The following RBM47 variants were observed in gnomAD, a reference collection of about 807,000 sequenced individuals.
The protein encoded by RBM47 is RNA binding motif protein 47.
Under a neutral mutation model 47.1 loss-of-function variants are expected in RBM47, and 21 were observed. The ratio of observed to expected loss-of-function variants is 0.45; its 90% confidence interval spans 0.32 to 0.64. RBM47 has a LOEUF of 0.64. RBM47 is among the 30% of genes least tolerant of loss of function. The pLI is 0.05. For synonymous variants in RBM47, 375 were observed against 361.7 expected (o/e 1.04, Z -0.42); for missense variants, 708 against 870.9 (o/e 0.81, Z 2.35).
At chr4:40,543,140 C>G (rs1728704950) in intron 2 of RBM47, 2 of 152,182 alleles carry the variant, frequency 1.3e-5, no homozygotes, top group African/African-American at 4.8e-5. Flanking sequence ...AAGTCTGTCT[C>G]AATCAGGCAA....
chr4:40,440,324 A>G (rs968984149), intron 3 of RBM47, among the ~76,000 whole-genome samples: 1 of 152,182 alleles, frequency 6.6e-6, no homozygotes, highest in African/African-American at 2.4e-5. Flanking sequence ...GCTTCCGCCT[A>G]ATTTACATGG....
chr4:40,436,199 C>A lies in RBM47; in HGVS notation c.1330+242G>T, dbSNP rs1415261785. Among the ~76,000 whole-genome samples the A allele has an allele frequency of 3.8e-4, 27 of 70,970 alleles. 1 individual carries two copies. Among genetic ancestry groups the A allele is most frequent in the South Asian group, 7.5e-4 (1 of 1,332 alleles). The allele number at this position is 70,970 out of a possible 152,430, so 46.6% of individuals were successfully genotyped here. A position where few individuals can be genotyped will look rare whatever the true frequency, so the allele number is the denominator to read the frequency against. ...AAAAAAAAAAAAACAAACAAACAAA[C>A]AAACAAAAAAAAACCTTACTCAGGC... On this transcript the variant is annotated intron_variant, in intron 5 of 6. Coordinates refer to ENST00000295971, the MANE Select transcript of RBM47 (RefSeq NM_001098634.2).
chr4:40,575,282 G>A (rs535774568), intron 1 of RBM47, among the ~76,000 whole-genome samples: 1 of 152,148 alleles, frequency 6.6e-6, no homozygotes, highest in Non-Finnish European at 1.5e-5. Flanking sequence ...GAAGCTGGGC[G>A]TGGTGGCTCA....
chr4:40,504,639 G>T (rs1225194828), intron 2 of RBM47, among the ~76,000 whole-genome samples: 3 of 152,110 alleles, frequency 2.0e-5, no homozygotes, highest in Non-Finnish European at 4.4e-5. Flanking sequence ...TTGTAAACCA[G>T]TATTTTTCTT....
At chr4:40,562,501 T>G (rs1453180058) in intron 1 of RBM47, among the ~76,000 whole-genome samples, 4 of 149,502 alleles carry the variant, frequency 2.7e-5, no homozygotes, top group African/African-American at 1.0e-4. Flanking sequence ...CTCACTCTTG[T>G]GTCACCCAGG....
chr4:40,556,889 C>CAA lies in RBM47; in HGVS notation c.-239-12385_-239-12384dup, dbSNP rs202041019. ...TGGGCAACAGAGAGAAACCTTGTCT[C>CAA]AAAAAAATATATATATATACATTTA... On this transcript the variant is annotated intron_variant, in intron 1 of 6. Coordinates refer to ENST00000295971, the MANE Select transcript of RBM47 (RefSeq NM_001098634.2). Among the ~76,000 whole-genome samples, 485 of 146,460 alleles carry CAA rather than the reference C, an allele frequency of 3.3e-3. 1 individual carries two copies. The highest frequency in any genetic ancestry group is 0.012 in the African/African-American group (459 of 38,874).
intron 2 of RBM47, among the ~76,000 whole-genome samples, chr4:40,513,426 C>G (rs1415739672): frequency 1.3e-5 from 2 of 151,954 alleles, no homozygotes; most frequent in Non-Finnish European, 2.9e-5. Flanking sequence ...ATTTTTTTTC[C>G]TAGATTTTCC....
chr4:40,628,437 C>A lies in RBM47; in HGVS notation c.-240+959G>T, dbSNP rs1050673908. ...AGGTTGTGTGTTACGCCGCTGACCA[C>A]CTTTCACCTTTTAGAATCGGCACCT... On this transcript the variant is annotated intron_variant, in intron 1 of 6. Coordinates refer to ENST00000295971, the MANE Select transcript of RBM47 (RefSeq NM_001098634.2). This position sits in a 1 kb window ranked among gnomAD's most constrained non-coding sequence, Gnocchi z 4.0. Among the ~76,000 whole-genome samples, 3 of 152,182 alleles carry A rather than the reference C, an allele frequency of 2.0e-5. No individual in the cohort carries two copies. Among genetic ancestry groups the A allele is most frequent in the Non-Finnish European group, 2.9e-5 (2 of 68,034 alleles).
At chr4:40,620,318 C>T (rs10938285) in intron 1 of RBM47, among the ~76,000 whole-genome samples, 29,627 of 151,564 alleles carry the variant, frequency 0.2, 3,411 homozygotes, top group Admixed American at 0.28. Context: ...CCAGCCTGGC[C>T]AACATGGTGA....
intron 1 of RBM47, among the ~76,000 whole-genome samples, chr4:40,559,519 T>G (rs1730413132): frequency 6.6e-6 from 1 of 152,240 alleles, no homozygotes; most frequent in Non-Finnish European, 1.5e-5. Flanking sequence ...CTTATCTAAA[T>G]TTTTTAAAAA....
chr4:40,530,172 G>A (rs1200144267), intron 2 of RBM47, among the ~76,000 whole-genome samples: 1 of 151,944 alleles, frequency 6.6e-6, no homozygotes, highest in Non-Finnish European at 1.5e-5. Context: ...CCGACCTCAG[G>A]TGATCCGCCC....
At position 40,423,700 on chromosome 4, in the gene RBM47, CTTTCT is replaced by C. The variant is rs1553874459; in HGVS notation, c.*2199_*2203del. The C allele has an allele frequency of 5.3e-5, 4 of 75,098 alleles. No individual in the cohort carries two copies. Among genetic ancestry groups the C allele is most frequent in the Non-Finnish European group, 9.9e-5 (4 of 40,214 alleles). The allele number at this position is 75,098 out of a possible 1,614,324, so 4.7% of individuals were successfully genotyped here. On this transcript the variant is annotated 3_prime_UTR_variant, in exon 7 of 7. Coordinates refer to ENST00000295971, the MANE Select transcript of RBM47 (RefSeq NM_001098634.2). The stretch of plus-strand genomic sequence containing the variant: ...TCTTTCTTTCTTTCTTTCTTTCTTT[CTTTCT>C]TTCTTTCTTTTCTTTCTTTTCTTTC...
intron 1 of RBM47, among the ~76,000 whole-genome samples, chr4:40,554,041 G>T (rs1035711573): frequency 6.6e-6 from 1 of 152,040 alleles, no homozygotes; most frequent in Non-Finnish European, 1.5e-5. Context: ...CAGGAGACGC[G>T]GGACCACTTA....
chr4:40,498,541 G>T (rs1722940892), intron 2 of RBM47, among the ~76,000 whole-genome samples: 1 of 151,946 alleles, frequency 6.6e-6, no homozygotes, highest in Admixed American at 6.6e-5. Context: ...AGCCTGGCAT[G>T]GTGGTGCTTG....
intron 1 of RBM47, among the ~76,000 whole-genome samples, chr4:40,593,139 C>T (rs1411523630): frequency 2.7e-5 from 4 of 148,218 alleles, no homozygotes; most frequent in African/African-American, 4.9e-5. Context: ...GGACTACAGG[C>T]GCCCGCGACC....
intron 3 of RBM47, among the ~76,000 whole-genome samples, chr4:40,455,076 A>C (rs553377141): frequency 6.6e-6 from 1 of 152,094 alleles, no homozygotes; most frequent in Non-Finnish European, 1.5e-5. Context: ...TACCATCCCC[A>C]TCGCTTCCCC....
intron 3 of RBM47, 21 bp from the exon 4 acceptor site, chr4:40,438,945 G>T (rs938759171): frequency 6.8e-7 from 1 of 1,476,480 alleles, no homozygotes; most frequent in Non-Finnish European, 9.0e-7. Flanking sequence ...AGAAAGAAGC[G>T]TGAGTGGGGA....
At chr4:40,446,426 G>A (rs938765681) in intron 3 of RBM47, among the ~76,000 whole-genome samples, 10 of 152,128 alleles carry the variant, frequency 6.6e-5, no homozygotes, top group African/African-American at 2.4e-4. Context: ...AAGTGATCAA[G>A]GAATGTTAGC....
At chr4:40,532,013 C>CTT (rs113352276) in intron 2 of RBM47, among the ~76,000 whole-genome samples, 11 of 140,352 alleles carry the variant, frequency 7.8e-5, no homozygotes, top group East Asian at 4.1e-4. Context: ...TTTTTTTTAT[C>CTT]TTTTTTTTTT....
Sources: gnomAD v4.1 joint callset for allele counts (sites outside exome capture counted in the v4.1 genomes callset) on GRCh38, gnomAD v4.1.1 for gene constraint, Gnocchi (gnomAD v3.1) non-coding constraint, MANE v1.5 for transcripts, NCBI Gene and HGNC (gene_info 2026-07-23, HGNC 2026-07-21) for gene names.